VWA8: variants seen among roughly 807,000 people sequenced by gnomAD.
VWA8 encodes the protein von Willebrand factor A domain-containing protein 8.
VWA8 carries 221 observed loss-of-function variants against 241.5 expected under a neutral mutation model. That is an observed-to-expected ratio of 0.91 (90% CI 0.82 to 1.02). VWA8 has a LOEUF of 1.02. Ranked by LOEUF, VWA8 falls within the 50% of genes least tolerant of loss-of-function variation. VWA8 has a pLI of 0.00. For missense variants in VWA8, 2,322 were observed against 2,328.7 expected, an observed-to-expected ratio of 1.00 and a Z score of 0.06; for synonymous variants, 852 against 827.1, an observed-to-expected ratio of 1.03 and a Z score of -0.52.
chr13:41,590,908 G>A (rs948711529), intron 40 of VWA8, 143 bp from the exon 41 acceptor site: 5 of 1,051,272 alleles, frequency 4.8e-6, no homozygotes, highest in Non-Finnish European at 6.9e-6. Context: ...TATAAATGAA[G>A]TGGTTTCTGC....
intron 28 of VWA8, among the ~76,000 whole-genome samples, chr13:41,700,730 G>C (rs2045243890): frequency 6.6e-6 from 1 of 152,160 alleles, no homozygotes; most frequent in African/African-American, 2.4e-5. Flanking sequence ...TAAAATAGCA[G>C]ATTTGTGGAA....
chr13:41,829,831 G>T (rs1475328551), intron 14 of VWA8, among the ~76,000 whole-genome samples: 5 of 152,112 alleles, frequency 3.3e-5, no homozygotes, highest in Non-Finnish European at 7.4e-5. Flanking sequence ...TACATATCAG[G>T]TACACTGCTC....
chr13:41,699,357 A>C, intron 28 of VWA8, 87 bp from the exon 29 acceptor site: 1 of 1,258,546 alleles, frequency 7.9e-7, no homozygotes, highest in Non-Finnish European at 1.2e-6. Flanking sequence ...AATCATGAAT[A>C]CACAGCTGGA....
chr13:41,909,286 T>C (rs1399302718), intron 3 of VWA8, among the ~76,000 whole-genome samples: 1 of 152,176 alleles, frequency 6.6e-6, no homozygotes, highest in East Asian at 1.9e-4. Flanking sequence ...TCTCGAACTC[T>C]TGACTTCAAG....
intron 17 of VWA8, among the ~76,000 whole-genome samples, chr13:41,802,766 G>C (rs555504458): frequency 6.6e-6 from 1 of 152,348 alleles, no homozygotes; most frequent in African/African-American, 2.4e-5. Flanking sequence ...TGCCCTGAAG[G>C]GAGATTCCCA....
At chr13:41,725,602 A>C (rs1332444966) in intron 24 of VWA8, among the ~76,000 whole-genome samples, 1 of 152,208 alleles carries the variant, frequency 6.6e-6, no homozygotes, top group Non-Finnish European at 1.5e-5. Context: ...AAGATCAATA[A>C]GAAGTGACAA....
chr13:41,588,001 G>C (rs1040158769), intron 41 of VWA8, among the ~76,000 whole-genome samples: 2 of 152,156 alleles, frequency 1.3e-5, no homozygotes, highest in African/African-American at 4.8e-5. Flanking sequence ...TAATAATCTG[G>C]AATGACATGT....
chr13:41,848,902 T>C (rs1258142698), intron 12 of VWA8, among the ~76,000 whole-genome samples: 2 of 152,216 alleles, frequency 1.3e-5, no homozygotes, highest in Non-Finnish European at 2.9e-5. Context: ...GGTGCTAGGC[T>C]GGCTAAGGCT....
chr13:41,835,117 G>C (rs1871660822), intron 12 of VWA8, among the ~76,000 whole-genome samples: 3 of 152,142 alleles, frequency 2.0e-5, no homozygotes, highest in Admixed American at 2.0e-4. Context: ...GCATCAGGAA[G>C]AACAGCTAAT....
chr13:41,567,104 AAGAG>A lies in VWA8; in HGVS notation c.*1089_*1092del, dbSNP rs2044266331. 6.6e-6 allele frequency: 1 copy of A among 152,166 alleles called. No individual in the cohort carries two copies. The highest frequency in any genetic ancestry group is 1.5e-5 in the Non-Finnish European group (1 of 68,024). The allele number at this position is 152,166 out of a possible 1,614,324, so 9.4% of individuals were successfully genotyped here. A position where few individuals can be genotyped will look rare whatever the true frequency, so the allele number is the denominator to read the frequency against. Reference sequence around the variant, plus strand: ...GAGGAGTTTTTAAATTATATGGTTAAAGAGAGAATGACTTTTGCTGAAGCATCTT... The same window carrying A: ...GAGGAGTTTTTAAATTATATGGTTAAAGAATGACTTTTGCTGAAGCATCTT... On this transcript the variant is annotated 3_prime_UTR_variant, in exon 45 of 45. Transcript: ENST00000379310.
intron 40 of VWA8, among the ~76,000 whole-genome samples, chr13:41,597,606 C>T (rs1174376572): frequency 6.6e-6 from 1 of 151,856 alleles, no homozygotes; most frequent in Admixed American, 6.6e-5. Flanking sequence ...TAACACTATA[C>T]TATCTATAGT....
At chr13:41,642,571 A>G (rs1479351605) in intron 37 of VWA8, among the ~76,000 whole-genome samples, 1 of 151,288 alleles carries the variant, frequency 6.6e-6, no homozygotes, top group East Asian at 1.9e-4. Flanking sequence ...ACAAAAAAAA[A>G]AAAAAAAGAA....
At chr13:41,815,995 T>G (rs1261637032) in intron 16 of VWA8, among the ~76,000 whole-genome samples, 2 of 152,090 alleles carry the variant, frequency 1.3e-5, no homozygotes, top group Admixed American at 6.6e-5. Flanking sequence ...TTTAGGTAAT[T>G]TGGCAGCTAG....
rs556618076 is a variant in VWA8, at chr13:41,711,685, T to C, written c.3116+7906A>G. Among the ~76,000 whole-genome samples the C allele has an allele frequency of 1.7e-4, 26 of 152,146 alleles. 1 individual carries two copies. In the South Asian group the frequency reaches 5.2e-3, roughly 30 times the overall value. On this transcript the variant is annotated intron_variant, in intron 26 of 44. Transcript: ENST00000379310. ...GTCAGGAGATCGAGACCATCCTAGC[T>C]AACACGGTGAAACCCCGTCTCTACT... is the stretch of plus-strand genomic sequence containing the variant.
intron 1 of VWA8, among the ~76,000 whole-genome samples, chr13:41,959,672 G>A (rs1357387192): frequency 1.5e-5 from 2 of 135,146 alleles, no homozygotes; most frequent in African/African-American, 5.4e-5. Context: ...CAGTGGCTCC[G>A]GTCACTCCAA....
At chr13:41,659,228 G>T (rs146114703) in intron 37 of VWA8, among the ~76,000 whole-genome samples, 1 of 152,290 alleles carries the variant, frequency 6.6e-6, no homozygotes, top group East Asian at 1.9e-4. Flanking sequence ...AAGTATGTAA[G>T]AACGTGGCTA....
intron 2 of VWA8, among the ~76,000 whole-genome samples, chr13:41,913,261 A>C (rs1160521063): frequency 6.6e-6 from 1 of 152,226 alleles, no homozygotes; most frequent in Non-Finnish European, 1.5e-5. Context: ...GGGAATTGTA[A>C]GTTGATGATA....
chr13:41,761,703 T>C (rs2045741241), intron 20 of VWA8, among the ~76,000 whole-genome samples: 1 of 152,228 alleles, frequency 6.6e-6, no homozygotes, highest in East Asian at 1.9e-4. Context: ...TTTCCAGTCC[T>C]TTAAAACCTT....
chr13:41,820,179 TA>T, intron 14 of VWA8, among the ~76,000 whole-genome samples: 1 of 152,258 alleles, frequency 6.6e-6, no homozygotes, highest in African/African-American at 2.4e-5. Context: ...TCAATTCTAC[TA>T]AAAAACCCAG....
Sources: gnomAD v4.1 joint callset for allele counts (sites outside exome capture counted in the v4.1 genomes callset) on GRCh38, gnomAD v4.1.1 for gene constraint, MANE v1.5 for transcripts, NCBI Gene and HGNC (gene_info 2026-07-23, HGNC 2026-07-21) for gene names.